Variants in ERBB4 observed in about 807,000 individuals in gnomAD.
The protein encoded by ERBB4 is receptor tyrosine-protein kinase erbB-4.
ERBB4 carries 42 observed loss-of-function variants against 158.0 expected under a neutral mutation model. The observed-to-expected ratio is 0.27, with a 90% CI of 0.21 to 0.34. The LOEUF (loss-of-function observed/expected upper bound fraction) is 0.34. Ranked by LOEUF, ERBB4 falls within the 10% of genes least tolerant of loss-of-function variation. The pLI is 1.00. For missense variants in ERBB4, 1,333 were observed against 1,624.1 expected (o/e 0.82, Z 3.08); for synonymous variants, 583 against 558.7 (o/e 1.04, Z -0.61).
chr2:211,524,021 G>A (rs1014951242), intron 20 of ERBB4, among the ~76,000 whole-genome samples: 1 of 152,120 alleles, frequency 6.6e-6, no homozygotes, highest in Non-Finnish European at 1.5e-5. Flanking sequence ...AGAATAGGTA[G>A]ATACAGAGTG....
At chr2:211,475,033 T>C (rs546194584) in intron 20 of ERBB4, among the ~76,000 whole-genome samples, 1 of 151,942 alleles carries the variant, frequency 6.6e-6, no homozygotes, top group South Asian at 2.1e-4. Flanking sequence ...AGAGGAGGGA[T>C]GACAGGAAAG....
intron 3 of ERBB4, among the ~76,000 whole-genome samples, chr2:211,902,119 T>C (rs977508216): frequency 3.3e-5 from 5 of 152,108 alleles, no homozygotes; most frequent in African/African-American, 7.2e-5. Flanking sequence ...ATTTGTATGA[T>C]TGGTTTAAAT....
At chr2:211,961,998 G>T (rs2081191823) in intron 2 of ERBB4, among the ~76,000 whole-genome samples, 1 of 152,064 alleles carries the variant, frequency 6.6e-6, no homozygotes, top group Admixed American at 6.6e-5. Flanking sequence ...TTACTTTTGG[G>T]GAGAAAAGCA....
At chr2:211,943,269 A>G (rs975176825) in intron 3 of ERBB4, among the ~76,000 whole-genome samples, 29 of 152,110 alleles carry the variant, frequency 1.9e-4, no homozygotes, top group Non-Finnish European at 2.9e-5. Context: ...AAACAAGTAG[A>G]AGCTTATAGA....
intron 24 of ERBB4, among the ~76,000 whole-genome samples, chr2:211,421,553 A>G (rs1340716037): frequency 2.6e-5 from 4 of 151,962 alleles, no homozygotes; most frequent in Admixed American, 1.3e-4. Context: ...CTCCAAATAA[A>G]ACAAAACATA....
intron 1 of ERBB4, among the ~76,000 whole-genome samples, chr2:212,327,880 G>GA (rs1002963354): frequency 5.5e-5 from 8 of 145,992 alleles, no homozygotes; most frequent in African/African-American, 7.5e-5. Flanking sequence ...TTTAATTTTT[G>GA]AAAAAAAAAT....
At chr2:212,427,883 A>C (rs2091948343) in intron 1 of ERBB4, among the ~76,000 whole-genome samples, 2 of 152,130 alleles carry the variant, frequency 1.3e-5, no homozygotes, top group African/African-American at 2.4e-5. Flanking sequence ...GACACATGAA[A>C]AGCTAGAGGA....
intron 1 of ERBB4, among the ~76,000 whole-genome samples, chr2:212,250,255 A>G (rs1280960178): frequency 6.6e-6 from 1 of 151,896 alleles, no homozygotes; most frequent in East Asian, 1.9e-4. Flanking sequence ...CTACCTGCTG[A>G]CATTTGTCTC....
At chr2:212,038,285 A>G (rs976613949) in intron 2 of ERBB4, among the ~76,000 whole-genome samples, 6 of 152,056 alleles carry the variant, frequency 3.9e-5, no homozygotes, top group African/African-American at 1.4e-4. Flanking sequence ...GAAAAAATCT[A>G]GATAAAAATA....
At chr2:212,513,459 C>G (rs765535331) in intron 1 of ERBB4, among the ~76,000 whole-genome samples, 1 of 152,098 alleles carries the variant, frequency 6.6e-6, no homozygotes, top group Non-Finnish European at 1.5e-5. Context: ...TCAGAACAGC[C>G]CTGAGAAGTA....
intron 1 of ERBB4, among the ~76,000 whole-genome samples, chr2:212,266,839 A>G (rs535790127): frequency 1.3e-5 from 2 of 152,150 alleles, no homozygotes; most frequent in South Asian, 2.1e-4. Flanking sequence ...GGTTAAAAAA[A>G]CACAACAAAT....
At chr2:211,586,560 T>C (rs766511422) in intron 19 of ERBB4, among the ~76,000 whole-genome samples, 47 of 152,316 alleles carry the variant, frequency 3.1e-4, no homozygotes, top group Non-Finnish European at 6.2e-4. Context: ...CTTTTACTTC[T>C]GCCCATACGC....
At chr2:212,396,445 C>G (rs766473166) in intron 1 of ERBB4, among the ~76,000 whole-genome samples, 1 of 152,122 alleles carries the variant, frequency 6.6e-6, no homozygotes, top group Non-Finnish European at 1.5e-5. Context: ...TACCAACATT[C>G]TCTCTGGTTT....
intron 1 of ERBB4, among the ~76,000 whole-genome samples, chr2:212,391,485 T>G (rs1414233395): frequency 2.7e-5 from 4 of 150,644 alleles, no homozygotes; most frequent in Non-Finnish European, 5.9e-5. Context: ...GTTCCCAAAT[T>G]GAATTTTAAC....
intron 20 of ERBB4, among the ~76,000 whole-genome samples, chr2:211,461,471 G>A (rs2064528884): frequency 6.6e-6 from 1 of 152,152 alleles, no homozygotes; most frequent in African/African-American, 2.4e-5. Context: ...TGTGGTGGTA[G>A]TTTCCTCTTC....
intron 1 of ERBB4, among the ~76,000 whole-genome samples, chr2:212,519,782 A>G (rs1270063283): frequency 6.6e-6 from 1 of 151,894 alleles, no homozygotes; most frequent in Admixed American, 6.6e-5. Context: ...GGCACAGGGG[A>G]ATATAGAGAG....
intron 22 of ERBB4, among the ~76,000 whole-genome samples, chr2:211,424,998 G>A (rs551040050): frequency 1.3e-5 from 2 of 152,204 alleles, no homozygotes; most frequent in Admixed American, 1.3e-4. Context: ...CTCTGCAAAA[G>A]CAAATACCCT....
At chr2:211,699,387 A>G (rs577809545) in intron 12 of ERBB4, among the ~76,000 whole-genome samples, 1 of 152,306 alleles carries the variant, frequency 6.6e-6, no homozygotes, top group South Asian at 2.1e-4. Context: ...TGCATTTAAA[A>G]TGAAGCAAGC....
At position 211,422,083 on chromosome 2, in the gene ERBB4, C is replaced by A. The variant is rs1172120091; in HGVS notation, c.2888G>T (p.Ser963Ile). The A allele has an allele frequency of 6.2e-7, 1 of 1,610,548 alleles. No individual in the cohort carries two copies. The highest frequency in any genetic ancestry group is 1.1e-5 in the South Asian group (1 of 91,012). ...MVKCWMIDAD[S>I]RPKFKELAAE... ...AGCCAGTTCCTTAAATTTAGGTCTACTGTCAGCATCAATCATCCAACCTGG... is the reference window on the plus strand; with the variant it reads ...AGCCAGTTCCTTAAATTTAGGTCTAATGTCAGCATCAATCATCCAACCTGG... Residue 963 changes from serine (S) to isoleucine (I), a missense_variant, in exon 24 of 28, where the codon AGT (serine) becomes ATT (isoleucine). Physicochemically the swap from Ser to Ile is moderately radical, Grantham distance 142. Transcript: ENST00000342788.
Sources: gnomAD v4.1 joint callset for allele counts (sites outside exome capture counted in the v4.1 genomes callset) on GRCh38, gnomAD v4.1.1 for gene constraint, MANE v1.5 for transcripts, NCBI Gene and HGNC (gene_info 2026-07-23, HGNC 2026-07-21) for gene names.